The following PLB1 variants were observed in gnomAD, a reference collection of about 807,000 sequenced individuals.
PLB1 encodes phospholipase B1, membrane-associated.
Under a neutral mutation model 227.4 loss-of-function variants are expected in PLB1, and 242 were observed. The observed-to-expected ratio is 1.06, with a 90% CI of 0.96 to 1.18. PLB1 has a LOEUF of 1.18. Among genes scored for constraint, PLB1 ranks in the 50% most tolerant of loss-of-function variants. The probability of loss-of-function intolerance (pLI) is 0.00; values close to 1 mark genes in which losing one functional copy is unlikely to be tolerated. For synonymous variants in PLB1, 757 were observed against 682.2 expected, an observed-to-expected ratio of 1.11 and a Z score of -1.71; for missense variants, 1,858 against 1,816.3, an observed-to-expected ratio of 1.02 and a Z score of -0.42.
chr2:28,555,617 T>C (rs1179058040), intron 17 of PLB1, among the ~76,000 whole-genome samples: 1 of 152,218 alleles, frequency 6.6e-6, no homozygotes, highest in Non-Finnish European at 1.5e-5. Flanking sequence ...TAATCTGATA[T>C]ATGTCTTATA....
intron 54 of PLB1, 68 bp from the exon 55 acceptor site, chr2:28,631,968 C>G: frequency 7.5e-7 from 1 of 1,330,186 alleles, no homozygotes; most frequent in Non-Finnish European, 1.1e-6. Context: ...CAATCCAAGG[C>G]AGCAGGACTG....
intron 35 of PLB1, among the ~76,000 whole-genome samples, chr2:28,600,091 G>A (rs1207678573): frequency 6.6e-6 from 1 of 151,872 alleles, no homozygotes; most frequent in African/African-American, 2.4e-5. Context: ...TGTAATTTTT[G>A]TAGAGATGGG....
In PLB1 at chr2:28,613,947, A is replaced by G. The variant is rs189424034; in HGVS notation, c.3130-84A>G. The G allele has an allele frequency of 4.3e-5, 45 of 1,056,190 alleles. No individual in the cohort carries two copies. The African/African-American group carries it at 6.4e-4, about 15-fold the overall frequency. 65.4% of individuals were successfully genotyped at this position (1,056,190 alleles called of 1,614,324 possible). On this transcript the variant is annotated intron_variant, in intron 43 of 57. Coordinates refer to ENST00000327757, the MANE Select transcript of PLB1 (RefSeq NM_153021.5). ...GAAGAATCATGTTAAATAAATCTAC[A>G]GGGCAGGATTGTTAGTTTTTCTCCT...
intron 1 of PLB1, among the ~76,000 whole-genome samples, chr2:28,503,620 G>T (rs1003779113): frequency 6.6e-6 from 1 of 152,172 alleles, no homozygotes. Context: ...TATCATCTGG[G>T]ATTGACTTGG....
chr2:28,617,279 T>A (rs1686325236), intron 44 of PLB1, among the ~76,000 whole-genome samples: 1 of 152,398 alleles, frequency 6.6e-6, no homozygotes, highest in South Asian at 2.1e-4. Flanking sequence ...ATTTTAATTA[T>A]TGTCTAGGTT....
At chr2:28,619,642 C>T (rs1347740298) in intron 46 of PLB1, among the ~76,000 whole-genome samples, 2 of 150,610 alleles carry the variant, frequency 1.3e-5, no homozygotes, top group African/African-American at 4.9e-5. Flanking sequence ...GGAGGGAGTT[C>T]AGCATTCCAT....
intron 18 of PLB1, among the ~76,000 whole-genome samples, chr2:28,563,382 A>G (rs1676354670): frequency 6.6e-6 from 1 of 152,114 alleles, no homozygotes; most frequent in South Asian, 2.1e-4. Flanking sequence ...TGTGGGTGAC[A>G]GGAGTGACCC....
At chr2:28,566,040 C>T (rs1031645225) in intron 19 of PLB1, among the ~76,000 whole-genome samples, 1 of 152,166 alleles carries the variant, frequency 6.6e-6, no homozygotes, top group Non-Finnish European at 1.5e-5. Flanking sequence ...TTTGGGCAGG[C>T]TTATTTCTGC....
chr2:28,573,126 G>A, intron 20 of PLB1, 71 bp from the exon 21 acceptor site: 1 of 1,218,842 alleles, frequency 8.2e-7, no homozygotes, highest in South Asian at 1.3e-5. Flanking sequence ...AACACCCACT[G>A]GTGCTTATCA....
chr2:28,641,086 C>T lies in PLB1; in HGVS notation c.4173+85C>T, dbSNP rs878972707. ...TCCCCTGGAAGCACAGAGGAGTCCC[C>T]GGGGATGCTCCCTCAAATGCGGCTT... On this transcript the variant is annotated intron_variant, in intron 57 of 57. Coordinates refer to ENST00000327757, the MANE Select transcript of PLB1 (RefSeq NM_153021.5). 1.9e-5 allele frequency: 24 copies of T among 1,274,328 alleles called. No homozygotes were observed. The South Asian group carries it at 2.1e-4, about 11-fold the overall frequency. 78.9% of individuals were successfully genotyped at this position (1,274,328 alleles called of 1,614,324 possible).
chr2:28,496,389 A>G (rs1295902883), intron 1 of PLB1, among the ~76,000 whole-genome samples: 1 of 152,210 alleles, frequency 6.6e-6, no homozygotes, highest in Non-Finnish European at 1.5e-5. Flanking sequence ...GGAGCGAGGC[A>G]GATCTTGGGA....
intron 44 of PLB1, 57 bp downstream of exon 44, chr2:28,614,153 G>T: frequency 1.4e-6 from 2 of 1,476,288 alleles, no homozygotes; most frequent in Non-Finnish European, 1.9e-6. Flanking sequence ...ACCTGCCAGG[G>T]GCTCGGGTGT....
intron 26 of PLB1, among the ~76,000 whole-genome samples, chr2:28,586,200 T>C (rs528640113): frequency 6.6e-6 from 1 of 152,136 alleles, no homozygotes; most frequent in Non-Finnish European, 1.5e-5. Context: ...GTTAGACACA[T>C]GGGCAATGAA....
At chr2:28,637,224 C>G (rs1449942725) in intron 56 of PLB1, among the ~76,000 whole-genome samples, 1 of 148,294 alleles carries the variant, frequency 6.7e-6, no homozygotes, top group Admixed American at 6.8e-5. Context: ...AACCAGGAGG[C>G]AGGGGTTGCA....
chr2:28,566,921 C>G, intron 20 of PLB1, 82 bp downstream of exon 20: 1 of 1,523,914 alleles, frequency 6.6e-7, no homozygotes, highest in Non-Finnish European at 9.1e-7. Context: ...TGGCGCGGGC[C>G]TCGGGAGGAG....
At chr2:28,503,739 G>T (rs113502927) in intron 1 of PLB1, among the ~76,000 whole-genome samples, 1 of 152,000 alleles carries the variant, frequency 6.6e-6, no homozygotes, top group South Asian at 2.1e-4. Context: ...CTTTACATGG[G>T]GACCCAAGGT....
chr2:28,589,725 C>T lies in PLB1; in HGVS notation c.1971C>T (p.Ser657=). The T allele has an allele frequency of 1.9e-6, 3 of 1,614,062 alleles. No homozygotes were observed. Among genetic ancestry groups the T allele is most frequent in the Admixed American group, 3.3e-5 (2 of 60,034 alleles). The change falls in exon 28 of 58, where the codon AGC becomes AGT. Residue 657 remains serine (S), a synonymous_variant. Transcript: ENST00000327757. ...SFFAPDCFHF[S]SKSHSRAASA... ...TCGCTCCTGACTGTTTCCACTTCAG[C>T]AGCAAGTCTCACTCCCGAGCAGCCA...
intron 56 of PLB1, among the ~76,000 whole-genome samples, chr2:28,637,299 T>A (rs113078370): frequency 0.3 from 39,810 of 130,992 alleles, 5,637 homozygotes; most frequent in East Asian, 0.35. Context: ...GTCTCAAATT[T>A]AAAAAAAAAA....
At chr2:28,545,253 G>C (rs1558719665) in intron 14 of PLB1, among the ~76,000 whole-genome samples, 1 of 41,898 alleles carries the variant, frequency 2.4e-5, no homozygotes, top group Admixed American at 2.3e-4. Context: ...GTTTCCCAGT[G>C]CCAGTGCAAA....
Sources: gnomAD v4.1 joint callset for allele counts (sites outside exome capture counted in the v4.1 genomes callset) on GRCh38, gnomAD v4.1.1 for gene constraint, MANE v1.5 for transcripts, NCBI Gene and HGNC (gene_info 2026-07-23, HGNC 2026-07-21) for gene names.